PDCL2: variants seen among roughly 807,000 people sequenced by gnomAD.
The protein encoded by PDCL2 is phosducin-like protein 2.
Under a neutral mutation model 30.3 loss-of-function variants are expected in PDCL2, and 23 were observed. The observed-to-expected ratio is 0.76, with a 90% CI of 0.55 to 1.08. The LOEUF (loss-of-function observed/expected upper bound fraction) is 1.08. Among genes scored for constraint, PDCL2 ranks in the 50% least tolerant of loss-of-function variants. The probability of loss-of-function intolerance (pLI) is 0.00; values close to 1 mark genes in which losing one functional copy is unlikely to be tolerated. For synonymous variants in PDCL2, 68 were observed against 86.2 expected (o/e 0.79, Z 1.17); for missense variants, 243 against 282.3 (o/e 0.86, Z 1.00).
At chr4:55,578,056 T>C in intron 3 of PDCL2, among the ~76,000 whole-genome samples, 1 of 152,234 alleles carries the variant, frequency 6.6e-6, no homozygotes, top group South Asian at 2.1e-4. Context: ...CTTTAAGGTC[T>C]TCTCAGGTAT....
At chr4:55,566,712 A>T (rs938854995) in intron 4 of PDCL2, among the ~76,000 whole-genome samples, 1 of 152,074 alleles carries the variant, frequency 6.6e-6, no homozygotes, top group Non-Finnish European at 1.5e-5. Context: ...ACAGGCAATG[A>T]GCCACCGCAC....
chr4:55,557,091 G>C (rs1000244951), intron 5 of PDCL2, among the ~76,000 whole-genome samples: 1 of 152,170 alleles, frequency 6.6e-6, no homozygotes, highest in Admixed American at 6.5e-5. Flanking sequence ...CCCTACCTTG[G>C]CCTCCCAAAG....
chr4:55,573,726 G>C (rs979874512), intron 3 of PDCL2, among the ~76,000 whole-genome samples: 1 of 149,642 alleles, frequency 6.7e-6, no homozygotes, highest in Admixed American at 6.7e-5. Flanking sequence ...ACTCCAGCTG[G>C]GGCAACAGAG....
intron 2 of PDCL2, among the ~76,000 whole-genome samples, chr4:55,581,627 C>T (rs1732714203): frequency 6.6e-6 from 1 of 152,196 alleles, no homozygotes; most frequent in Non-Finnish European, 1.5e-5. Flanking sequence ...TGATTTTCAA[C>T]ATGTGAAATT....
At chr4:55,581,188 G>T (rs938577834) in intron 2 of PDCL2, among the ~76,000 whole-genome samples, 1 of 151,914 alleles carries the variant, frequency 6.6e-6, no homozygotes, top group Non-Finnish European at 1.5e-5. Context: ...CTAGCTACTC[G>T]GGAGGCTGAG....
intron 3 of PDCL2, among the ~76,000 whole-genome samples, chr4:55,575,672 G>A (rs758203731): frequency 1.3e-5 from 2 of 152,204 alleles, no homozygotes; most frequent in Non-Finnish European, 2.9e-5. Context: ...CTTGAAAGCA[G>A]AGAGAAGCAA....
chr4:55,560,884 C>G (rs1336754194), intron 5 of PDCL2, among the ~76,000 whole-genome samples: 1 of 152,108 alleles, frequency 6.6e-6, no homozygotes, highest in African/African-American at 2.4e-5. Flanking sequence ...CTATGAAGAA[C>G]AGGCCCTCAG....
intron 3 of PDCL2, among the ~76,000 whole-genome samples, chr4:55,577,414 G>A (rs144329814): frequency 4.6e-5 from 7 of 152,228 alleles, no homozygotes; most frequent in South Asian, 4.1e-4. Flanking sequence ...TGACTAAATC[G>A]TTGGCCACTG....
chr4:55,562,548 T>C lies in PDCL2; in HGVS notation c.427A>G (p.Lys143Glu), dbSNP rs1732162106. 2 of 1,606,198 alleles carry C rather than the reference T, an allele frequency of 1.2e-6. No individual in the cohort carries two copies. Among genetic ancestry groups the C allele is most frequent in the East Asian group, 2.3e-5 (1 of 44,248 alleles). The change falls in exon 5 of 6, where the codon AAA becomes GAA. Residue 143 changes from lysine (K) to glutamate (E), a missense_variant. By Grantham distance (56) the Lys-to-Glu change is moderately conservative. Coordinates refer to ENST00000295645, the MANE Select transcript of PDCL2 (RefSeq NM_152401.3). ...SLLARKFPET[K>E]FVKAIVNSCI... ...CTATTCACGATGGCTTTAACAAATT[T>C]AGTTTCTGGAAACTTTCTTGCTAGA... is the stretch of plus-strand genomic sequence containing the variant.
intron 4 of PDCL2, among the ~76,000 whole-genome samples, chr4:55,567,732 A>G (rs567497859): frequency 1.3e-5 from 2 of 152,290 alleles, no homozygotes; most frequent in Non-Finnish European, 2.9e-5. Context: ...TTCCTGACAA[A>G]CAACTTTGTA....
intron 1 of PDCL2, among the ~76,000 whole-genome samples, chr4:55,588,877 T>TA (rs1732928932): frequency 1.3e-5 from 2 of 151,730 alleles, no homozygotes; most frequent in Non-Finnish European, 2.9e-5. Context: ...TTTTTTTTTT[T>TA]TAGAGAGTCT....
chr4:55,591,950 T>C (rs547060854), intron 1 of PDCL2, among the ~76,000 whole-genome samples, 154 bp downstream of exon 1: 1 of 152,300 alleles, frequency 6.6e-6, no homozygotes, highest in African/African-American at 2.4e-5. Flanking sequence ...TTCTCAAAAC[T>C]AGACAGAGAA....
chr4:55,577,622 T>C (rs142393255), intron 3 of PDCL2, among the ~76,000 whole-genome samples: 115 of 152,334 alleles, frequency 7.5e-4, no homozygotes, highest in African/African-American at 2.7e-3. Flanking sequence ...CCAAGTATGT[T>C]TGTGTCAGGA....
chr4:55,576,129 T>A (rs141249273), intron 3 of PDCL2, among the ~76,000 whole-genome samples: 1 of 152,222 alleles, frequency 6.6e-6, no homozygotes, highest in African/African-American at 2.4e-5. Flanking sequence ...TCTTGCTTTG[T>A]TGCCTAGGCT....
At chr4:55,561,420 A>C (rs2110152515) in intron 5 of PDCL2, among the ~76,000 whole-genome samples, 1 of 152,178 alleles carries the variant, frequency 6.6e-6, no homozygotes, top group East Asian at 1.9e-4. Context: ...AAAATTAGCC[A>C]GGTGTGGTGG....
At chr4:55,567,021 T>C (rs1732285912) in intron 4 of PDCL2, among the ~76,000 whole-genome samples, 1 of 152,186 alleles carries the variant, frequency 6.6e-6, no homozygotes, top group Non-Finnish European at 1.5e-5. Context: ...AGAAAAAACA[T>C]TCAGTAAACC....
intron 3 of PDCL2, among the ~76,000 whole-genome samples, chr4:55,577,795 A>T (rs1438456469): frequency 2.0e-5 from 3 of 152,138 alleles, no homozygotes; most frequent in Non-Finnish European, 2.9e-5. Context: ...GTTGTCTTAA[A>T]GTCTTTGTCT....
chr4:55,569,965 T>C (rs1055214199), intron 3 of PDCL2, 104 bp from the exon 4 acceptor site: 1 of 746,028 alleles, frequency 1.3e-6, no homozygotes, highest in African/African-American at 1.8e-5. Context: ...TGCCTATCCA[T>C]ATCAAACACT....
At chr4:55,583,668 G>C (rs1015219259) in intron 1 of PDCL2, among the ~76,000 whole-genome samples, 1 of 152,136 alleles carries the variant, frequency 6.6e-6, no homozygotes, top group African/African-American at 2.4e-5. Flanking sequence ...CATTATTGAA[G>C]AGACTGTCCT....
Sources: allele counts gnomAD v4.1 joint callset (sites outside exome capture counted in the v4.1 genomes callset), GRCh38; gene constraint gnomAD v4.1.1; transcripts MANE v1.5; gene names NCBI Gene and HGNC (gene_info 2026-07-23, HGNC 2026-07-21).